IFT88: variants seen among roughly 807,000 people sequenced by gnomAD.
IFT88 encodes the protein intraflagellar transport protein 88 homolog.
Under a neutral mutation model 119.5 loss-of-function variants are expected in IFT88, and 74 were observed. The observed-to-expected ratio is 0.62, with a 90% CI of 0.51 to 0.75. The LOEUF (loss-of-function observed/expected upper bound fraction) is 0.75. Ranked by LOEUF, IFT88 falls within the 30% of genes least tolerant of loss-of-function variation. IFT88 has a pLI of 0.00. For missense variants in IFT88, 961 were observed against 977.7 expected, an observed-to-expected ratio of 0.98 and a Z score of 0.23; for synonymous variants, 279 against 316.7, an observed-to-expected ratio of 0.88 and a Z score of 1.26.
At chr13:20,632,664 G>A (rs1435457230) in intron 16 of IFT88, among the ~76,000 whole-genome samples, 1 of 152,138 alleles carries the variant, frequency 6.6e-6, no homozygotes, top group Non-Finnish European at 1.5e-5. Flanking sequence ...TTGGCAGATA[G>A]TCTCACCTTC....
chr13:20,616,900 C>G (rs2045709395), intron 14 of IFT88, among the ~76,000 whole-genome samples: 1 of 151,916 alleles, frequency 6.6e-6, no homozygotes. Flanking sequence ...CCACTGTTGT[C>G]TATGTGGTTG....
intron 14 of IFT88, among the ~76,000 whole-genome samples, chr13:20,618,540 G>A (rs1428804740): frequency 6.6e-6 from 1 of 152,198 alleles, no homozygotes; most frequent in Admixed American, 6.5e-5. Flanking sequence ...TATTTATAAA[G>A]CCGCCTAGGG....
At chr13:20,618,825 A>T (rs2046046150) in intron 14 of IFT88, among the ~76,000 whole-genome samples, 1 of 151,302 alleles carries the variant, frequency 6.6e-6, no homozygotes, top group African/African-American at 2.4e-5. Flanking sequence ...TATTTCTGTT[A>T]ACTTCTTTGT....
chr13:20,674,728 T>TCG (rs1566451071), intron 24 of IFT88, among the ~76,000 whole-genome samples: 4 of 106,814 alleles, frequency 3.7e-5, no homozygotes, highest in African/African-American at 1.3e-4. Flanking sequence ...ATATATATTT[T>TCG]TTTTTTTTTT....
intron 11 of IFT88, among the ~76,000 whole-genome samples, chr13:20,600,157 C>T (rs935669207): frequency 1.3e-4 from 20 of 152,008 alleles, no homozygotes; most frequent in African/African-American, 4.6e-4. Context: ...CTTTTAAGAT[C>T]ATTCGTTTTT....
rs113456589 is a variant in IFT88, at chr13:20,621,691, A to G, written c.1200-4059A>G. Reference sequence around the variant, plus strand: ...CCTACCCAGAGCCTCCCTCACCAATATGCCATCCCAGTATGGTACATTTGT... The same window carrying G: ...CCTACCCAGAGCCTCCCTCACCAATGTGCCATCCCAGTATGGTACATTTGT... On this transcript the variant is annotated intron_variant, in intron 14 of 25. Transcript: ENST00000351808. Among the ~76,000 whole-genome samples, 1,015 of 152,184 alleles carry G rather than the reference A, an allele frequency of 6.7e-3. 5 individuals are homozygous for G. The highest frequency in any genetic ancestry group is 0.012 in the Non-Finnish European group (800 of 68,022).
At chr13:20,612,755 G>A (rs2044794264) in intron 13 of IFT88, among the ~76,000 whole-genome samples, 1 of 152,162 alleles carries the variant, frequency 6.6e-6, no homozygotes, top group Admixed American at 6.5e-5. Flanking sequence ...TGAAGACAGA[G>A]GCATAAATGA....
chr13:20,573,618 C>T (rs1243964187), intron 1 of IFT88, among the ~76,000 whole-genome samples: 1 of 152,126 alleles, frequency 6.6e-6, no homozygotes, highest in East Asian at 1.9e-4. Context: ...TTTTATGAAA[C>T]TGCAAGACTT....
At chr13:20,581,466 T>G (rs573905238) in intron 2 of IFT88, among the ~76,000 whole-genome samples, 8 of 152,200 alleles carry the variant, frequency 5.3e-5, no homozygotes, top group Non-Finnish European at 8.8e-5. Flanking sequence ...GTATAATAAA[T>G]TATGTTGAAG....
intron 16 of IFT88, among the ~76,000 whole-genome samples, chr13:20,634,045 A>T (rs1477799505): frequency 2.6e-5 from 4 of 152,162 alleles, no homozygotes; most frequent in Admixed American, 2.0e-4. Context: ...CATGCCTGTC[A>T]CTTAGCTGAA....
intron 22 of IFT88, 43 bp from the exon 23 acceptor site, chr13:20,663,455 A>G (rs528313067): frequency 6.2e-6 from 10 of 1,601,010 alleles, no homozygotes; most frequent in Non-Finnish European, 7.7e-6. Flanking sequence ...TAACAAATAT[A>G]CTGTGCCTAT....
intron 16 of IFT88, 28 bp downstream of exon 16, chr13:20,631,130 T>A (rs778599199): frequency 7.5e-7 from 1 of 1,340,708 alleles, no homozygotes. Flanking sequence ...TAAGAGTTAA[T>A]CATATGCTAT....
At position 20,590,982 on chromosome 13, in the gene IFT88, GCAT is replaced by G. The variant is rs761398034; in HGVS notation, c.232_234del (p.Ser78del). ...TGTTTACTAGTCCAAGACATCTCTG[GCAT>G]CATCAATAGGAAGACCAATGACAGG... On this transcript the variant is annotated inframe_deletion, in exon 5 of 26. Transcript: ENST00000351808. The G allele has an allele frequency of 6.8e-6, 11 of 1,608,018 alleles. No homozygotes were observed. In the African/African-American group the frequency reaches 1.5e-4, roughly 22 times the overall value.
intron 21 of IFT88, 29 bp from the exon 22 acceptor site, chr13:20,656,336 T>C (rs1483210908): frequency 1.0e-6 from 1 of 987,118 alleles, no homozygotes; most frequent in South Asian, 1.7e-5. Flanking sequence ...TATAATTTGC[T>C]AATATATTTT....
chr13:20,601,968 C>G, intron 12 of IFT88, 35 bp downstream of exon 12: 3 of 1,176,414 alleles, frequency 2.6e-6, no homozygotes, highest in Non-Finnish European at 3.7e-6. Flanking sequence ...TAGCCACTTC[C>G]CACTTATCTG....
intron 12 of IFT88, among the ~76,000 whole-genome samples, chr13:20,602,748 T>C (rs1359523323): frequency 6.6e-6 from 1 of 151,634 alleles, no homozygotes; most frequent in Admixed American, 6.6e-5. Context: ...CTGGGTATGG[T>C]GGTGGGCGCC....
At chr13:20,690,322 G>A (rs184178395) in intron 24 of IFT88, among the ~76,000 whole-genome samples, 1 of 152,294 alleles carries the variant, frequency 6.6e-6, no homozygotes, top group East Asian at 1.9e-4. Context: ...TAATGTTAGT[G>A]TTCAGTTTTA....
chr13:20,616,727 T>C (rs1019882382), intron 14 of IFT88, among the ~76,000 whole-genome samples: 2 of 152,226 alleles, frequency 1.3e-5, no homozygotes, highest in African/African-American at 4.8e-5. Context: ...TATCAAGTAT[T>C]ATGTACTGTA....
In IFT88 at chr13:20,639,755, A is replaced by G. The variant is rs2049567549; in HGVS notation, c.1573+1237A>G. Among the ~76,000 whole-genome samples the G allele has an allele frequency of 3.4e-5, 5 of 145,814 alleles. 1 individual carries two copies. In the South Asian group the frequency reaches 1.1e-3, roughly 32 times the overall value. On this transcript the variant is annotated intron_variant, in intron 17 of 25. Coordinates refer to ENST00000351808, the MANE Select transcript of IFT88 (RefSeq NM_006531.5). The stretch of plus-strand genomic sequence containing the variant: ...TGTTTCTAATTTCTTTTATCAGAGA[A>G]TTGTTTTATTATTGATATAGTAAAA...
Sources: gnomAD v4.1 joint callset for allele counts (sites outside exome capture counted in the v4.1 genomes callset) on GRCh38, gnomAD v4.1.1 for gene constraint, MANE v1.5 for transcripts, NCBI Gene and HGNC (gene_info 2026-07-23, HGNC 2026-07-21) for gene names.